RYR3: variants seen among roughly 807,000 people sequenced by gnomAD.
RYR3 encodes brain ryanodine receptor-calcium release channel.
RYR3 carries 207 observed loss-of-function variants against 584.3 expected under a neutral mutation model. That is an observed-to-expected ratio of 0.35 (90% confidence interval 0.32 to 0.40). The LOEUF (loss-of-function observed/expected upper bound fraction) is 0.40. Ranked by LOEUF, RYR3 falls within the 10% of genes least tolerant of loss-of-function variation. The pLI is 1.00. For synonymous variants in RYR3, 2,416 were observed against 2,248.5 expected (o/e 1.07, Z -2.11); for missense variants, 5,616 against 6,089.2 (o/e 0.92, Z 2.59).
At chr15:33,859,480 G>A (rs535348641) in intron 99 of RYR3, 95 bp from the exon 100 acceptor site, 4 of 1,432,216 alleles carry the variant, frequency 2.8e-6, no homozygotes, top group African/African-American at 2.8e-5. Flanking sequence ...GCTTAGGGCT[G>A]CCACAATCTG....
At chr15:33,515,418 A>G (rs1012728311) in intron 3 of RYR3, among the ~76,000 whole-genome samples, 8 of 152,242 alleles carry the variant, frequency 5.3e-5, no homozygotes, top group African/African-American at 1.9e-4. Flanking sequence ...ACTGAAAGTC[A>G]GTGGGAGAAA....
In RYR3 at chr15:33,860,930, ATGTATGGCACTACTGAGTG is replaced by A; in HGVS notation, c.14365-147_14365-129del. ...CTACTGAGTGAATGACTAATAGCCA[ATGTATGGCACTACTGAGTG>A]AATGACTAATAGCCAAAAGCATTAG... On this transcript the variant is annotated intron_variant, in intron 101 of 103. Transcript: ENST00000634891. 1.6e-5 allele frequency: 9 copies of A among 563,910 alleles called. No individual in the cohort carries two copies. The East Asian group carries it at 2.7e-4, about 17-fold the overall frequency. 34.9% of individuals were successfully genotyped at this position (563,910 alleles called of 1,614,324 possible). A position where few individuals can be genotyped will look rare whatever the true frequency, so the allele number is the denominator to read the frequency against.
rs752735087 is a variant in RYR3 at position 33,699,784 on chromosome 15, C to A, written c.6330C>A (p.Ala2110=). 2 of 1,613,748 alleles carry A rather than the reference C, an allele frequency of 1.2e-6. No homozygotes were observed. Among genetic ancestry groups the A allele is most frequent in the Non-Finnish European group, 8.5e-7 (1 of 1,179,860 alleles). Residue 2110 remains alanine, a synonymous_variant, in exon 41 of 104, where the codon GCC becomes GCA. Transcript: ENST00000634891. ...FCRISRQNQK[A]MFEHLSYLLE... Reference sequence around the variant, plus strand: ...GAATTAGCCGGCAAAATCAGAAGGCCATGTTTGAGCATCTGAGTTATCTTC... The same window carrying A: ...GAATTAGCCGGCAAAATCAGAAGGCAATGTTTGAGCATCTGAGTTATCTTC...
intron 5 of RYR3, among the ~76,000 whole-genome samples, chr15:33,538,445 T>C (rs2055520812): frequency 6.6e-6 from 1 of 152,112 alleles, no homozygotes; most frequent in Non-Finnish European, 1.5e-5. Flanking sequence ...CTAATCAGGG[T>C]ATAAAGTTTG....
At chr15:33,765,693 C>T (rs2072991618) in intron 60 of RYR3, among the ~76,000 whole-genome samples, 1 of 150,198 alleles carries the variant, frequency 6.7e-6, no homozygotes, top group Non-Finnish European at 1.5e-5. Flanking sequence ...CTTTCCCTAG[C>T]ATCCAGTGAA....
intron 64 of RYR3, among the ~76,000 whole-genome samples, chr15:33,779,091 T>C (rs915159464): frequency 8.5e-5 from 13 of 152,174 alleles, no homozygotes; most frequent in South Asian, 2.1e-4. Context: ...CCCTCCTCCT[T>C]CTCTCTAGTT....
At chr15:33,693,518 G>A (rs765627769) in intron 38 of RYR3, among the ~76,000 whole-genome samples, 4 of 152,258 alleles carry the variant, frequency 2.6e-5, no homozygotes, top group Non-Finnish European at 5.9e-5. Context: ...AAGGGAAATC[G>A]AGAAGCATAA....
chr15:33,636,625 T>C, intron 27 of RYR3, 75 bp downstream of exon 27: 1 of 1,302,222 alleles, frequency 7.7e-7, no homozygotes, highest in Non-Finnish European at 1.1e-6. Context: ...AGCGACCTGC[T>C]CTACTTCCTT....
intron 20 of RYR3, among the ~76,000 whole-genome samples, chr15:33,627,746 G>T (rs766818718): frequency 3.3e-5 from 5 of 152,186 alleles, no homozygotes; most frequent in Admixed American, 6.5e-5. Context: ...TTGTAGACTT[G>T]TCCCACTGGT....
chr15:33,803,305 G>C (rs1054886325), intron 69 of RYR3, among the ~76,000 whole-genome samples: 1 of 152,126 alleles, frequency 6.6e-6, no homozygotes, highest in Admixed American at 6.6e-5. Context: ...AGTTTTATTT[G>C]ATTTTTCAGA....
chr15:33,655,751 C>T (rs1373121012), intron 32 of RYR3, among the ~76,000 whole-genome samples: 1 of 152,228 alleles, frequency 6.6e-6, no homozygotes, highest in African/African-American at 2.4e-5. Flanking sequence ...ACCCAGCCAG[C>T]CCCCTTCTCA....
chr15:33,437,114 TAGAG>T (rs2045794526), intron 1 of RYR3, among the ~76,000 whole-genome samples: 1 of 117,906 alleles, frequency 8.5e-6, no homozygotes, highest in South Asian at 2.8e-4. Context: ...GAGAGAGAGA[TAGAG>T]TGTGTGTGTG....
intron 32 of RYR3, 31 bp downstream of exon 32, chr15:33,652,914 C>T (rs2062574015): frequency 1.3e-6 from 2 of 1,586,018 alleles, no homozygotes; most frequent in Non-Finnish European, 1.7e-6. Flanking sequence ...CGAAACAGGG[C>T]TATCCCAGGC....
At chr15:33,708,836 G>A (rs1023248661) in intron 43 of RYR3, among the ~76,000 whole-genome samples, 9 of 152,148 alleles carry the variant, frequency 5.9e-5, no homozygotes, top group Admixed American at 1.3e-4. Context: ...CCTGATGCAC[G>A]TGGCCCCTGC....
At chr15:33,665,558 T>C (rs1566910399) in intron 36 of RYR3, among the ~76,000 whole-genome samples, 1 of 152,226 alleles carries the variant, frequency 6.6e-6, no homozygotes, top group Non-Finnish European at 1.5e-5. Context: ...CACCCAACAC[T>C]GTCCTCGTGG....
Position 33,756,321 on chromosome 15 carries a change from G to C in RYR3, c.8531G>C (p.Ser2844Thr). Residue 2844 changes from serine to threonine, a missense_variant, in exon 59 of 104, where the codon AGT becomes ACT. Transcript: ENST00000634891. ...FIAHLEAIVS[S>T]GKTEKSPRDQ... Reference sequence around the variant, plus strand: ...GTCTTCGTAGAAGCCATTGTCAGCAGTGGGAAAACTGAAAAGTCTCCCCGT... The same window carrying C: ...GTCTTCGTAGAAGCCATTGTCAGCACTGGGAAAACTGAAAAGTCTCCCCGT... 1 of 1,579,992 alleles carries C rather than the reference G, an allele frequency of 6.3e-7. No homozygotes were observed. Among genetic ancestry groups the C allele is most frequent in the Non-Finnish European group, 8.6e-7 (1 of 1,161,970 alleles).
intron 1 of RYR3, among the ~76,000 whole-genome samples, chr15:33,450,905 G>T (rs1252419803): frequency 6.6e-6 from 1 of 152,108 alleles, no homozygotes; most frequent in Non-Finnish European, 1.5e-5. Flanking sequence ...ACAAGTTCCA[G>T]TGCCTACTCC....
chr15:33,459,677 T>C (rs1596237990), intron 1 of RYR3, among the ~76,000 whole-genome samples: 1 of 151,958 alleles, frequency 6.6e-6, no homozygotes, highest in Non-Finnish European at 1.5e-5. Context: ...GGTGATGAAG[T>C]GGTAGACACC....
intron 13 of RYR3, among the ~76,000 whole-genome samples, chr15:33,580,794 A>G (rs1256822676): frequency 1.3e-5 from 2 of 152,172 alleles, no homozygotes; most frequent in African/African-American, 4.8e-5. Context: ...TCCCTTGGGC[A>G]TTTCCAAAGT....
Sources: gnomAD v4.1 joint callset for allele counts (sites outside exome capture counted in the v4.1 genomes callset) on GRCh38, gnomAD v4.1.1 for gene constraint, MANE v1.5 for transcripts, NCBI Gene and HGNC (gene_info 2026-07-23, HGNC 2026-07-21) for gene names.